The following PLCG2 variants were observed in gnomAD, a reference collection of about 807,000 sequenced individuals.
The protein encoded by PLCG2 is phospholipase C gamma 2.
Under a neutral mutation model 175.6 loss-of-function variants are expected in PLCG2, and 69 were observed. That is an observed-to-expected ratio of 0.39 (90% CI 0.32 to 0.48). The LOEUF is 0.48. Ranked by LOEUF, PLCG2 falls within the 20% of genes least tolerant of loss-of-function variation. The pLI is 0.91. For synonymous variants in PLCG2, 827 were observed against 624.0 expected (o/e 1.33, Z -4.85); for missense variants, 1,798 against 1,650.9 (o/e 1.09, Z -1.54).
chr16:81,803,267 C>T (rs533876743), intron 2 of PLCG2, among the ~76,000 whole-genome samples: 4 of 151,800 alleles, frequency 2.6e-5, no homozygotes, highest in African/African-American at 7.3e-5. Context: ...TACAGGTGCC[C>T]ACCACCACGC....
At chr16:81,889,325 T>C in intron 10 of PLCG2, 52 bp downstream of exon 10, 1 of 956,924 alleles carries the variant, frequency 1.0e-6, no homozygotes. Flanking sequence ...GATTGATGTC[T>C]GTGCTTTCTG....
At chr16:81,853,703 A>G (rs947096437) in intron 2 of PLCG2, among the ~76,000 whole-genome samples, 3 of 152,122 alleles carry the variant, frequency 2.0e-5, no homozygotes, top group Non-Finnish European at 2.9e-5. Context: ...TCCCTGATTT[A>G]TACTACATTT....
intron 2 of PLCG2, among the ~76,000 whole-genome samples, chr16:81,766,308 C>G (rs1479863480): frequency 6.6e-6 from 1 of 152,214 alleles, no homozygotes; most frequent in African/African-American, 2.4e-5. Context: ...TCTGTTTCTC[C>G]TCTGCAGGGC....
At chr16:81,774,400 T>G (rs1409043172), upstream of PLCG2, among the ~76,000 whole-genome samples, 1 of 151,782 alleles carries the variant, frequency 6.6e-6, no homozygotes, top group Non-Finnish European at 1.5e-5. Context: ...TGGCCACAAT[T>G]TAAATAGCAG....
At chr16:81,919,180 C>T (rs1909960947) in intron 19 of PLCG2, among the ~76,000 whole-genome samples, 1 of 152,124 alleles carries the variant, frequency 6.6e-6, no homozygotes, top group African/African-American at 2.4e-5. Context: ...CTACTCTTGA[C>T]CTAGTTCCCT....
intron 19 of PLCG2, among the ~76,000 whole-genome samples, chr16:81,916,747 C>T (rs1909859228): frequency 6.6e-6 from 1 of 152,116 alleles, no homozygotes; most frequent in African/African-American, 2.4e-5. Flanking sequence ...AAGGGAGTCT[C>T]CTGCCTCAGG....
At chr16:81,925,409 A>C (rs1441509909) in intron 22 of PLCG2, among the ~76,000 whole-genome samples, 2 of 152,194 alleles carry the variant, frequency 1.3e-5, no homozygotes, top group African/African-American at 4.8e-5. Context: ...GATCGCCGTA[A>C]ATACAGCCAG....
intron 22 of PLCG2, among the ~76,000 whole-genome samples, chr16:81,925,635 C>A (rs374967208): frequency 1.3e-5 from 2 of 152,290 alleles, no homozygotes; most frequent in East Asian, 1.9e-4. Context: ...CGCCTGTAAT[C>A]CCAGCACTTT....
intron 3 of PLCG2, among the ~76,000 whole-genome samples, chr16:81,856,298 T>A (rs935618029): frequency 2.5e-4 from 38 of 152,192 alleles, no homozygotes; most frequent in African/African-American, 8.7e-4. Flanking sequence ...GTGTTTGCAC[T>A]GTTAGCTTCA....
At chr16:81,944,197 A>G (rs1472513751) in intron 30 of PLCG2, among the ~76,000 whole-genome samples, 1 of 152,224 alleles carries the variant, frequency 6.6e-6, no homozygotes, top group African/African-American at 2.4e-5. Context: ...TTTGAATTGT[A>G]TACATAAATA....
upstream of PLCG2, among the ~76,000 whole-genome samples, chr16:81,778,074 A>C (rs530089188): frequency 2.4e-3 from 119 of 50,456 alleles, 8 homozygotes; most frequent in African/African-American, 8.8e-3. Context: ...CCAAAAACAC[A>C]CACACACAAA....
At chr16:81,941,716 G>C (rs1375562516) in intron 30 of PLCG2, among the ~76,000 whole-genome samples, 2 of 131,270 alleles carry the variant, frequency 1.5e-5, no homozygotes, top group Non-Finnish European at 3.2e-5. Context: ...TTTTTTTTTT[G>C]AGATGGAGTC....
chr16:81,768,233 G>A (rs1910195666), intron 2 of PLCG2, among the ~76,000 whole-genome samples: 1 of 152,200 alleles, frequency 6.6e-6, no homozygotes, highest in Non-Finnish European at 1.5e-5. Context: ...CCTTGGTCTT[G>A]TGTGTATCAA....
chr16:81,901,681 T>A (rs1328881844), intron 14 of PLCG2, among the ~76,000 whole-genome samples: 1 of 152,240 alleles, frequency 6.6e-6, no homozygotes, highest in Non-Finnish European at 1.5e-5. Context: ...GCGGGCTCTG[T>A]CACCAGCAGA....
At chr16:81,876,792 T>A (rs1907812409) in intron 7 of PLCG2, among the ~76,000 whole-genome samples, 1 of 152,184 alleles carries the variant, frequency 6.6e-6, no homozygotes, top group African/African-American at 2.4e-5. Context: ...TTAGGTAGAA[T>A]CTGACCACAT....
intron 31 of PLCG2, among the ~76,000 whole-genome samples, chr16:81,946,611 A>T (rs1911160190): frequency 6.6e-6 from 1 of 152,106 alleles, no homozygotes; most frequent in African/African-American, 2.4e-5. Flanking sequence ...GTGCCAGTGC[A>T]TCTTTAGGAA....
chr16:81,867,073 A>T (rs1907277640), intron 5 of PLCG2, among the ~76,000 whole-genome samples: 1 of 152,158 alleles, frequency 6.6e-6, no homozygotes, highest in Admixed American at 6.5e-5. Flanking sequence ...GCATCTTGTC[A>T]TTTGAAGTCT....
At chr16:81,844,744 T>C (rs1204106265) in intron 2 of PLCG2, among the ~76,000 whole-genome samples, 2 of 152,196 alleles carry the variant, frequency 1.3e-5, no homozygotes, top group South Asian at 4.1e-4. Flanking sequence ...ATTCAGATAG[T>C]GAGAATTTGC....
intron 24 of PLCG2, among the ~76,000 whole-genome samples, chr16:81,930,376 G>A (rs1380339393): frequency 6.6e-6 from 1 of 152,086 alleles, no homozygotes; most frequent in Non-Finnish European, 1.5e-5. Flanking sequence ...ACTCTTTGGT[G>A]TTTTTGGCTC....
Sources: allele counts gnomAD v4.1 joint callset (sites outside exome capture counted in the v4.1 genomes callset), GRCh38; gene constraint gnomAD v4.1.1; transcripts MANE v1.5; gene names NCBI Gene and HGNC (gene_info 2026-07-23, HGNC 2026-07-21).